The following NLRC5 variants were observed in gnomAD, a reference collection of about 807,000 sequenced individuals.
NLRC5 encodes the protein protein NLRC5.
In NLRC5, 114 loss-of-function variants were observed where a neutral mutation model predicts 206.9. The observed-to-expected ratio is 0.55, with a 90% CI of 0.47 to 0.64. The LOEUF (loss-of-function observed/expected upper bound fraction) is 0.64, where lower values mean the gene tolerates loss of function less well. Among genes scored for constraint, NLRC5 ranks in the 30% least tolerant of loss-of-function variants. The probability of loss-of-function intolerance (pLI) is 0.00; values close to 1 mark genes in which losing one functional copy is unlikely to be tolerated. For missense variants in NLRC5, 2,008 were observed against 2,305.5 expected, an observed-to-expected ratio of 0.87 and a Z score of 2.64; for synonymous variants, 952 against 962.8, an observed-to-expected ratio of 0.99 and a Z score of 0.21.
At chr16:57,033,722 T>A (rs758238756) in intron 12 of NLRC5, 53 bp downstream of exon 12, 2 of 1,551,240 alleles carry the variant, frequency 1.3e-6, no homozygotes, top group Non-Finnish European at 1.8e-6. Flanking sequence ...TGGGGGAAAG[T>A]CCGAGGCAAG....
chr16:57,049,214 C>T (rs1291693611), intron 23 of NLRC5, among the ~76,000 whole-genome samples: 1 of 152,214 alleles, frequency 6.6e-6, no homozygotes, highest in Non-Finnish European at 1.5e-5. Context: ...ATGCAGCAGG[C>T]CATGTGGCTT....
rs552897303 is a variant in NLRC5, at chr16:57,033,149, C to T, written c.2478-455C>T. Among the ~76,000 whole-genome samples, 4 of 152,334 alleles carry T rather than the reference C, an allele frequency of 2.6e-5. No individual in the cohort carries two copies. The South Asian group carries it at 8.3e-4, about 32-fold the overall frequency. On this transcript the variant is annotated intron_variant, in intron 11 of 48. Coordinates refer to ENST00000688547, the MANE Select transcript of NLRC5 (RefSeq NM_001384950.1). The stretch of plus-strand genomic sequence containing the variant: ...CTGGACTCACTGCATACAGCTCATG[C>T]TCCTCGCCTTCTGAACCACAGACAG...
chr16:57,054,762 C>T lies in NLRC5; in HGVS notation c.3518C>T (p.Thr1173Met), dbSNP rs952638793. The T allele has an allele frequency of 9.3e-6, 15 of 1,613,762 alleles. No homozygotes were observed. Among genetic ancestry groups the T allele is most frequent in the Middle Eastern group, 3.3e-4 (2 of 6,082 alleles). ...CCTTTCCTTTTCAGGCTGAGCCAGA[C>T]GGGACTGTCCCCGAAAAGCCCCTTC... The part of the protein sequence containing the change: ...PQLSLLQLSQ[T>M]GLSPKSPFLL... The change falls in exon 25 of 49, where the codon ACG becomes ATG. Residue 1173 changes from threonine to methionine, a missense_variant. By Grantham distance (81) the Thr-to-Met change is moderately conservative (BLOSUM62 -1). Coordinates refer to ENST00000688547, the MANE Select transcript of NLRC5 (RefSeq NM_001384950.1).
At chr16:57,074,940 C>T (rs1287051732) in intron 39 of NLRC5, among the ~76,000 whole-genome samples, 1 of 150,056 alleles carries the variant, frequency 6.7e-6, no homozygotes, top group Non-Finnish European at 1.5e-5. Context: ...ACACACAGTT[C>T]ACCCTGGGCT....
At chr16:57,066,502 C>A in intron 33 of NLRC5, 32 bp from the exon 34 acceptor site, 1 of 1,607,868 alleles carries the variant, frequency 6.2e-7, no homozygotes. Context: ...GAAGGCTGCC[C>A]GACCTCACGT....
At chr16:57,073,242 T>C (rs1410377317) in intron 38 of NLRC5, among the ~76,000 whole-genome samples, 1 of 152,196 alleles carries the variant, frequency 6.6e-6, no homozygotes, top group Non-Finnish European at 1.5e-5. Context: ...TTAGTTGCCC[T>C]ATCTGTAAAC....
At chr16:57,080,995 T>C (rs926733528) in intron 46 of NLRC5, 103 bp from the exon 47 acceptor site, 7 of 1,020,176 alleles carry the variant, frequency 6.9e-6, no homozygotes, top group Non-Finnish European at 1.0e-5. Flanking sequence ...TTGAAAACCC[T>C]TGCCCCCACG....
intron 1 of NLRC5, chr16:56,990,568 A>G (rs1467850429): frequency 1.3e-5 from 2 of 152,192 alleles, no homozygotes; most frequent in Non-Finnish European, 2.9e-5. Flanking sequence ...TCCTACCTTC[A>G]GTGCCGTTTG....
intron 42 of NLRC5, 43 bp from the exon 43 acceptor site, chr16:57,077,900 T>C: frequency 6.2e-7 from 1 of 1,609,788 alleles, no homozygotes; most frequent in South Asian, 1.1e-5. Context: ...GGGTCCCGAG[T>C]GGGCAGGCCC....
At chr16:57,066,713 G>C in intron 34 of NLRC5, 99 bp downstream of exon 34, 1 of 1,102,088 alleles carries the variant, frequency 9.1e-7, no homozygotes, top group Admixed American at 1.9e-5. Context: ...AGAGACCTTA[G>C]GGGTTCGAAG....
Position 57,067,883 on chromosome 16 carries a change from A to G in NLRC5, c.4499+55A>G. 3.7e-6 allele frequency: 5 copies of G among 1,350,150 alleles called. 1 individual carries two copies. The South Asian group carries it at 4.7e-5, about 13-fold the overall frequency. The allele number at this position is 1,350,150 out of a possible 1,614,324, so 83.6% of individuals were successfully genotyped here. ...CTTTGCAGCTCTGCCCTGCCCTGAC[A>G]CCTCCCGTTATTCCCAGCCCTGGGC... On this transcript the variant is annotated intron_variant, in intron 36 of 48. Coordinates refer to ENST00000688547, the MANE Select transcript of NLRC5 (RefSeq NM_001384950.1).
chr16:57,050,220 A>G (rs1427395374), intron 23 of NLRC5, among the ~76,000 whole-genome samples: 1 of 152,160 alleles, frequency 6.6e-6, no homozygotes, highest in South Asian at 2.1e-4. Flanking sequence ...ACCACCCTCA[A>G]TAAAGGCCCC....
intron 2 of NLRC5, 36 bp from the exon 3 acceptor site, chr16:57,020,665 T>A: frequency 1.4e-6 from 2 of 1,413,578 alleles, no homozygotes; most frequent in South Asian, 2.4e-5. Context: ...AGTTTACCTG[T>A]CCCCCTCAAC....
At chr16:57,069,362 C>G (rs1243190726) in intron 36 of NLRC5, among the ~76,000 whole-genome samples, 1 of 151,962 alleles carries the variant, frequency 6.6e-6, no homozygotes, top group Non-Finnish European at 1.5e-5. Flanking sequence ...TCTGGGAGGC[C>G]GAGGAGGAAA....
chr16:57,002,645 G>GTTTTTTTTTTTT (rs61167610), intron 1 of NLRC5, among the ~76,000 whole-genome samples: 4 of 94,742 alleles, frequency 4.2e-5, no homozygotes, highest in African/African-American at 1.2e-4. Flanking sequence ...GTTTTTTTTT[G>GTTTTTTTTTTTT]TTTTTTTTTT....
chr16:57,031,270 A>G (rs1196227082), intron 10 of NLRC5, 134 bp from the exon 11 acceptor site: 4 of 871,882 alleles, frequency 4.6e-6, no homozygotes, highest in Non-Finnish European at 7.6e-6. Context: ...TAGTTCCGTT[A>G]TGTTTCCCTG....
chr16:56,999,226 G>T (rs1344620453), intron 1 of NLRC5, among the ~76,000 whole-genome samples: 1 of 152,194 alleles, frequency 6.6e-6, no homozygotes, highest in Non-Finnish European at 1.5e-5. Context: ...CCTATTAGGG[G>T]TTAGAGTTTC....
intron 5 of NLRC5, 120 bp downstream of exon 5, chr16:57,023,973 C>G: frequency 1.1e-6 from 1 of 912,370 alleles, no homozygotes; most frequent in Non-Finnish European, 1.7e-6. Context: ...ACTCTTGTCT[C>G]GCAAGTTTCC....
At position 57,079,255 on chromosome 16, in the gene NLRC5, C is replaced by T. The variant is rs763806077; in HGVS notation, c.5200C>T (p.Arg1734Cys). 2.3e-5 allele frequency: 37 copies of T among 1,613,540 alleles called. No homozygotes were observed. Among genetic ancestry groups the T allele is most frequent in the Non-Finnish European group, 3.0e-5 (35 of 1,180,028 alleles). Residue 1734 changes from arginine to cysteine, a missense_variant, in exon 45 of 49, where the codon CGT (arginine) becomes TGT (cysteine). Physicochemically the swap from Arg to Cys is radical, Grantham distance 180 (BLOSUM62 -3). Coordinates refer to ENST00000688547, the MANE Select transcript of NLRC5 (RefSeq NM_001384950.1). ...AAACAACCTGGCTGGAGGGGTCCTG[C>T]GTTTCTGTATGGAGCTCCCGCTGCT... ...AENNLAGGVL[R>C]FCMELPLLRQ...
Sources: allele counts gnomAD v4.1 joint callset (sites outside exome capture counted in the v4.1 genomes callset), GRCh38; gene constraint gnomAD v4.1.1; transcripts MANE v1.5; gene names NCBI Gene and HGNC (gene_info 2026-07-23, HGNC 2026-07-21).